DCAF5: variants seen among roughly 807,000 people sequenced by gnomAD.
DCAF5 encodes DDB1- and CUL4-associated factor 5.
A neutral mutation model predicts 80.7 loss-of-function variants in DCAF5; 9 were observed. The ratio of observed to expected loss-of-function variants is 0.11; its 90% confidence interval spans 0.07 to 0.19. The LOEUF (loss-of-function observed/expected upper bound fraction) is 0.19. DCAF5 is among the 10% of genes least tolerant of loss of function. DCAF5 has a pLI of 1.00. For missense variants in DCAF5, 842 were observed against 1,205.7 expected (o/e 0.70, Z 4.47); for synonymous variants, 433 against 461.9 (o/e 0.94, Z 0.80).
chr14:69,129,738 C>G (rs1182233371), intron 1 of DCAF5, among the ~76,000 whole-genome samples: 1 of 152,204 alleles, frequency 6.6e-6, no homozygotes, highest in Non-Finnish European at 1.5e-5. Context: ...ACCCTAGCCC[C>G]AGCCTCTCTG....
intron 6 of DCAF5, among the ~76,000 whole-genome samples, chr14:69,075,735 T>C (rs778242051): frequency 2.4e-4 from 36 of 152,158 alleles, no homozygotes; most frequent in Non-Finnish European, 3.7e-4. Context: ...CCGCTGGCCT[T>C]GGCCTCCCAA....
At chr14:69,077,467 T>A (rs776337244) in intron 6 of DCAF5, among the ~76,000 whole-genome samples, 4 of 152,226 alleles carry the variant, frequency 2.6e-5, no homozygotes, top group African/African-American at 4.8e-5. Context: ...CACTGCAGCC[T>A]CGACCTCCTG....
At position 69,152,993 on chromosome 14, in the gene DCAF5, C is replaced by T. The variant is rs2041755927; in HGVS notation, c.-15G>A. The T allele has an allele frequency of 6.5e-7, 1 of 1,540,868 alleles. No individual in the cohort carries two copies. The highest frequency in any genetic ancestry group is 1.2e-5 in the South Asian group (1 of 83,462). On this transcript the variant is annotated 5_prime_UTR_variant, in exon 1 of 9. Transcript: ENST00000341516. This position sits in a 1 kb window ranked among gnomAD's most constrained non-coding sequence, Gnocchi z 4.1. ...CTCCTCTTCATGCTGGAACCGCCGC[C>T]GCCGCCGCTCGCGCCGCCGCCCCTC...
At position 69,151,106 on chromosome 14, in the gene DCAF5, A is replaced by G. The variant is rs572902234; in HGVS notation, c.214+1659T>C. On this transcript the variant is annotated intron_variant, in intron 1 of 8. Coordinates refer to ENST00000341516, the MANE Select transcript of DCAF5 (RefSeq NM_003861.3). Reference sequence around the variant, plus strand: ...AACAACAGCAGGGAAACTGGGAGCTAGGTCTATAAAGAAGAGGTCTTCCCC... The same window carrying G: ...AACAACAGCAGGGAAACTGGGAGCTGGGTCTATAAAGAAGAGGTCTTCCCC... Among the ~76,000 whole-genome samples, 91 of 152,316 alleles carry G rather than the reference A, an allele frequency of 6.0e-4. No homozygotes were observed. The South Asian group carries it at 8.1e-3, about 14-fold the overall frequency.
intron 1 of DCAF5, among the ~76,000 whole-genome samples, chr14:69,135,333 C>T (rs1017874528): frequency 6.6e-6 from 1 of 152,150 alleles, no homozygotes; most frequent in Non-Finnish European, 1.5e-5. Flanking sequence ...ACAAATGCCA[C>T]GTTCACTCAG....
At chr14:69,078,550 A>T (rs1222832380) in intron 6 of DCAF5, among the ~76,000 whole-genome samples, 1 of 152,234 alleles carries the variant, frequency 6.6e-6, no homozygotes, top group Non-Finnish European at 1.5e-5. Flanking sequence ...TCAATCCCCT[A>T]TGTGTCCATC....
rs11396838 is a variant in DCAF5, at chr14:69,141,139, T to TAAAA, written c.214+11622_214+11625dup. Among the ~76,000 whole-genome samples, 145 of 59,408 alleles carry TAAAA rather than the reference T, an allele frequency of 2.4e-3. 3 individuals carry two copies. The highest frequency in any genetic ancestry group is 7.5e-3 in the African/African-American group (138 of 18,496). The allele number at this position is 59,408 out of a possible 152,430, so 39.0% of individuals were successfully genotyped here. On this transcript the variant is annotated intron_variant, in intron 1 of 8. Coordinates refer to ENST00000341516, the MANE Select transcript of DCAF5 (RefSeq NM_003861.3). The stretch of plus-strand genomic sequence containing the variant: ...ACAGAGCGAGACTCCATCTCAAATT[T>TAAAA]AAAAAAAAAAAAAAAAAAAAAAAAA...
chr14:69,105,217 G>C (rs970643955), intron 5 of DCAF5, among the ~76,000 whole-genome samples: 4 of 152,032 alleles, frequency 2.6e-5, no homozygotes, highest in African/African-American at 9.7e-5. Context: ...ATTCACAATA[G>C]CCAGAAGATG....
intron 1 of DCAF5, among the ~76,000 whole-genome samples, chr14:69,151,184 AAGG>A (rs2041691601): frequency 6.6e-6 from 1 of 152,044 alleles, no homozygotes; most frequent in African/African-American, 2.4e-5. Context: ...GCTGTGGGGG[AAGG>A]AGGCTTTTGT....
At chr14:69,086,688 C>CT (rs1566741771) in intron 6 of DCAF5, among the ~76,000 whole-genome samples, 1 of 150,802 alleles carries the variant, frequency 6.6e-6, no homozygotes, top group Non-Finnish European at 1.5e-5. Flanking sequence ...GTACTTACTA[C>CT]TGCATTCCAT....
intron 7 of DCAF5, among the ~76,000 whole-genome samples, chr14:69,072,623 T>TAAAAAAAAAAAAAAAAAAACAAAAAA: frequency 8.6e-6 from 1 of 116,480 alleles, no homozygotes; most frequent in Non-Finnish European, 1.7e-5. Flanking sequence ...ACCCTGACTT[T>TAAAAAAAAAAAAAAAAAAACAAAAAA]AAAAAAAAAA....
intron 5 of DCAF5, among the ~76,000 whole-genome samples, chr14:69,101,086 C>T (rs2039936335): frequency 6.6e-6 from 1 of 152,142 alleles, no homozygotes; most frequent in Non-Finnish European, 1.5e-5. Flanking sequence ...CTGGAGGAGA[C>T]CAAGGTCCTG....
In DCAF5 at chr14:69,052,567, G is replaced by A. The variant is rs763504037; in HGVS notation, c.*1290C>T. On this transcript the variant is annotated 3_prime_UTR_variant, in exon 9 of 9. Transcript: ENST00000341516. The stretch of plus-strand genomic sequence containing the variant: ...TCATAGATAACCGAGTGACTGCAAC[G>A]CTGAAAATCTGTTGCTCTTTTCTCT... The A allele has an allele frequency of 7.7e-4, 118 of 152,552 alleles. 1 individual carries two copies. The highest frequency in any genetic ancestry group is 1.0e-3 in the Non-Finnish European group (68 of 68,032). 9.4% of individuals were successfully genotyped at this position (152,552 alleles called of 1,614,324 possible).
Position 69,054,746 on chromosome 14 carries a change from G to A in DCAF5, c.1940C>T (p.Ala647Val). 6.2e-7 allele frequency: 1 copy of A among 1,614,270 alleles called. No individual in the cohort carries two copies. Among genetic ancestry groups the A allele is most frequent in the East Asian group, 2.2e-5 (1 of 44,888 alleles). The change falls in exon 9 of 9, where the codon GCA becomes GTA. Residue 647 changes from alanine to valine, a missense_variant. Transcript: ENST00000341516. ...TGATTCTATGTCAGAAGTTGGTGAT[G>A]CCCGGCTTGGTTGAATCTCTAGCGT... ...TSTLEIQPSR[A>V]SPTSDIESVE...
intron 7 of DCAF5, among the ~76,000 whole-genome samples, chr14:69,067,653 C>CT (rs962808098): frequency 5.2e-4 from 76 of 147,144 alleles, no homozygotes; most frequent in Admixed American, 1.1e-3. Context: ...CCCAGATATT[C>CT]TTTTTTTTTT....
intron 5 of DCAF5, among the ~76,000 whole-genome samples, chr14:69,116,120 G>C (rs1295186490): frequency 6.6e-6 from 1 of 151,924 alleles, no homozygotes; most frequent in Non-Finnish European, 1.5e-5. Context: ...TCAGATAATT[G>C]CCTAAAACTC....
chr14:69,103,389 T>C (rs1290732829), intron 5 of DCAF5, among the ~76,000 whole-genome samples: 2 of 152,184 alleles, frequency 1.3e-5, no homozygotes, highest in African/African-American at 4.8e-5. Flanking sequence ...CTGTGGACAG[T>C]TTTAAAAGGA....
intron 7 of DCAF5, among the ~76,000 whole-genome samples, chr14:69,071,627 AGAATGAATGAAT>A (rs928328294): frequency 6.6e-6 from 1 of 152,208 alleles, no homozygotes; most frequent in East Asian, 1.9e-4. Context: ...GGAGAGAGAG[AGAATGAATGAAT>A]GAATGAATGT....
intron 7 of DCAF5, among the ~76,000 whole-genome samples, chr14:69,073,847 C>A (rs1270139077): frequency 1.3e-5 from 2 of 152,110 alleles, no homozygotes; most frequent in Non-Finnish European, 2.9e-5. Flanking sequence ...GTAAAAGATA[C>A]AATTAAACCC....
Sources: allele counts gnomAD v4.1 joint callset (sites outside exome capture counted in the v4.1 genomes callset), GRCh38; gene constraint gnomAD v4.1.1; non-coding constraint Gnocchi (gnomAD v3.1); transcripts MANE v1.5; gene names NCBI Gene and HGNC (gene_info 2026-07-23, HGNC 2026-07-21).